Variants in ACSL1 observed in about 807,000 individuals in gnomAD.
ACSL1 encodes the protein acyl-CoA synthetase long chain family member 1, also known as long-chain-fatty-acid--CoA ligase 1.
A neutral mutation model predicts 98.4 loss-of-function variants in ACSL1; 41 were observed. That is an observed-to-expected ratio of 0.42 (90% CI 0.32 to 0.54). ACSL1 has a LOEUF of 0.54. Among genes scored for constraint, ACSL1 ranks in the 20% least tolerant of loss-of-function variants. ACSL1 has a pLI of 0.13. For missense variants in ACSL1, 734 were observed against 883.1 expected (o/e 0.83, Z 2.14); for synonymous variants, 316 against 322.7 (o/e 0.98, Z 0.22).
chr4:184,768,966 G>A (rs1764064836), intron 11 of ACSL1, among the ~76,000 whole-genome samples: 1 of 152,014 alleles, frequency 6.6e-6, no homozygotes, highest in South Asian at 2.1e-4. Context: ...CGACTCAGGA[G>A]GCTGAGGCTG....
chr4:184,770,647 G>A (rs1764361548), intron 10 of ACSL1, among the ~76,000 whole-genome samples, 171 bp from the exon 11 acceptor site: 1 of 151,728 alleles, frequency 6.6e-6, no homozygotes, highest in Non-Finnish European at 1.5e-5. Context: ...CATGGCACAT[G>A]TACACATATG....
chr4:184,820,690 C>T (rs531602556), intron 1 of ACSL1, among the ~76,000 whole-genome samples: 21 of 152,220 alleles, frequency 1.4e-4, no homozygotes, highest in African/African-American at 4.1e-4. Context: ...CTGCAGCCTC[C>T]GCCTCCTGGG....
At chr4:184,767,756 C>G (rs181272899) in intron 12 of ACSL1, among the ~76,000 whole-genome samples, 4 of 152,350 alleles carry the variant, frequency 2.6e-5, no homozygotes, top group Admixed American at 2.6e-4. Context: ...AACACTCTTT[C>G]TGGAGATTGC....
At chr4:184,811,171 T>G (rs12639729) in intron 1 of ACSL1, among the ~76,000 whole-genome samples, 2 of 151,314 alleles carry the variant, frequency 1.3e-5, no homozygotes, top group Non-Finnish European at 2.9e-5. Context: ...TGCAGTGGTG[T>G]GATCTCGGCT....
chr4:184,779,639 GA>G (rs1205864967), intron 5 of ACSL1, among the ~76,000 whole-genome samples: 1 of 151,568 alleles, frequency 6.6e-6, no homozygotes, highest in Non-Finnish European at 1.5e-5. Flanking sequence ...TTTCAGAAAG[GA>G]AAAAAAGGAA....
At chr4:184,810,248 T>C (rs1434794591) in intron 1 of ACSL1, among the ~76,000 whole-genome samples, 2 of 152,228 alleles carry the variant, frequency 1.3e-5, no homozygotes, top group African/African-American at 2.4e-5. Context: ...ATTCAGCTAG[T>C]TGACCTGTAC....
Position 184,773,739 on chromosome 4 carries a change from TG to T in ACSL1, c.790-26del. On this transcript the variant is annotated intron_variant, in intron 8 of 20. Transcript: ENST00000281455. This position sits in a 1 kb window ranked among gnomAD's most constrained non-coding sequence, Gnocchi z 4.3. ...GCTAAAGATTAAAAAAAAAAAAAGC[TG>T]GTATAAATCAGAACAGAAAAGAGAA... 1 of 1,574,754 alleles carries T rather than the reference TG, an allele frequency of 6.4e-7. No individual in the cohort carries two copies. Among genetic ancestry groups the T allele is most frequent in the Admixed American group, 1.9e-5 (1 of 52,306 alleles).
intron 2 of ACSL1, 113 bp from the exon 3 acceptor site, chr4:184,788,844 C>T (rs551779690): frequency 2.6e-6 from 2 of 766,410 alleles, no homozygotes; most frequent in South Asian, 3.3e-5. Context: ...TGTCACTTAT[C>T]TGTAGTGAGA....
intron 18 of ACSL1, among the ~76,000 whole-genome samples, chr4:184,759,508 C>G (rs1235946240): frequency 6.6e-6 from 1 of 152,110 alleles, no homozygotes; most frequent in Non-Finnish European, 1.5e-5. Context: ...ACAACCCCAT[C>G]AAAAAGTGGG....
chr4:184,757,759 C>T lies in ACSL1; in HGVS notation c.1885-53G>A. The T allele has an allele frequency of 6.2e-7, 1 of 1,608,696 alleles. No homozygotes were observed. ...TCCTCTGTTAGAGGTCCCTGAATAT[C>T]TACAGGTACATTTAATGCCAAGTTA... On this transcript the variant is annotated intron_variant, in intron 19 of 20. Transcript: ENST00000281455. The surrounding 1 kb of genome is among the most constrained non-coding windows in gnomAD (Gnocchi z 4.5).
chr4:184,810,252 C>T (rs1048006775), intron 1 of ACSL1, among the ~76,000 whole-genome samples: 3 of 152,204 alleles, frequency 2.0e-5, no homozygotes, highest in African/African-American at 7.2e-5. Context: ...AGCTAGTTGA[C>T]CTGTACAAGG....
chr4:184,788,625 T>A lies in ACSL1; in HGVS notation c.302A>T (p.Gln101Leu). 6.2e-7 allele frequency: 1 copy of A among 1,613,622 alleles called. No individual in the cohort carries two copies. The highest frequency in any genetic ancestry group is 1.7e-5 in the Admixed American group (1 of 60,030). ...TLYEGFQRGI[Q>L]VSNNGPCLGS... Reference sequence around the variant, plus strand: ...TGCAGGAAAATGCTTACTTGACACCTGTATTCCCCTCTGGAAACCTTCGTA... The same window carrying A: ...TGCAGGAAAATGCTTACTTGACACCAGTATTCCCCTCTGGAAACCTTCGTA... The change falls in exon 3 of 21, where the codon CAG becomes CTG. Residue 101 changes from glutamine (Q) to leucine (L), a missense_variant. Physicochemically the swap from Gln to Leu is moderately radical, Grantham distance 113 (BLOSUM62 -2). Coordinates refer to ENST00000281455, the MANE Select transcript of ACSL1 (RefSeq NM_001995.5).
chr4:184,801,021 TAA>T (rs966509629), intron 2 of ACSL1, among the ~76,000 whole-genome samples: 1 of 152,006 alleles, frequency 6.6e-6, no homozygotes, highest in African/African-American at 2.4e-5. Context: ...CCCAACTAAT[TAA>T]AATAAAAAAA....
intron 2 of ACSL1, among the ~76,000 whole-genome samples, chr4:184,796,978 A>T (rs745805): frequency 0.28 from 42,227 of 152,072 alleles, 7,522 homozygotes; most frequent in African/African-American, 0.51. Flanking sequence ...ACTGTGACAG[A>T]CCTTCTTCAG....
chr4:184,762,410 TAACCATTTTCCAA>T lies in ACSL1; in HGVS notation c.1622_1634del (p.Ile541AsnfsTer6). ...ACCTGAGGAGGCGGCAACTTACTGG[TAACCATTTTCCAA>T]TGTCCCCTGTGTGTAACCAGCCGTC... On this transcript the variant is annotated frameshift_variant, in exon 17 of 21. Transcript: ENST00000281455. LOFTEE classifies it high-confidence loss of function. 1 of 1,613,818 alleles carries T rather than the reference TAACCATTTTCCAA, an allele frequency of 6.2e-7. No homozygotes were observed. Among genetic ancestry groups the T allele is most frequent in the Non-Finnish European group, 8.5e-7 (1 of 1,179,672 alleles).
At chr4:184,777,165 C>T (rs1765423566) in intron 5 of ACSL1, among the ~76,000 whole-genome samples, 182 bp from the exon 6 acceptor site, 1 of 152,212 alleles carries the variant, frequency 6.6e-6, no homozygotes, top group African/African-American at 2.4e-5. Context: ...AACACATGCC[C>T]CCTTCTTAAA....
At chr4:184,786,224 G>A (rs1403012569) in intron 3 of ACSL1, among the ~76,000 whole-genome samples, 2 of 152,294 alleles carry the variant, frequency 1.3e-5, no homozygotes, top group African/African-American at 2.4e-5. Flanking sequence ...CATAAGAAGC[G>A]TGGTCTTTAT....
At position 184,766,640 on chromosome 4, in the gene ACSL1, C is replaced by G. The variant is rs559017153; in HGVS notation, c.1245G>C (p.Leu415=). The G allele has an allele frequency of 6.2e-7, 1 of 1,614,062 alleles. No homozygotes were observed. Among genetic ancestry groups the G allele is most frequent in the African/African-American group, 1.3e-5 (1 of 75,052 alleles). ...IIRNNSLWDR[L]IFHKVQSSLG... The stretch of plus-strand genomic sequence containing the variant: ...GTGTTACCTGTACTTTGTGGAAGAT[C>G]AGCCGGTCCCACAGGCTGTTGTTTC... The change falls in exon 13 of 21, where the codon CTG becomes CTC. Residue 415 remains leucine (L), a synonymous_variant. Coordinates refer to ENST00000281455, the MANE Select transcript of ACSL1 (RefSeq NM_001995.5). The surrounding 1 kb of genome is among the most constrained non-coding windows in gnomAD (Gnocchi z 4.8).
rs574871579 is a variant in ACSL1 at position 184,761,575 on chromosome 4, G to T, written c.1638+832C>A. Among the ~76,000 whole-genome samples, 36 of 152,294 alleles carry T rather than the reference G, an allele frequency of 2.4e-4. No individual in the cohort carries two copies. The South Asian group carries it at 6.8e-3, about 29-fold the overall frequency. On this transcript the variant is annotated intron_variant, in intron 17 of 20. Transcript: ENST00000281455. ...CTTCAGAATTTCTCTACAGTAAATG[G>T]TTCTGAGACTACATTCAACTAAATT...
Sources: allele counts gnomAD v4.1 joint callset (sites outside exome capture counted in the v4.1 genomes callset), GRCh38; gene constraint gnomAD v4.1.1; non-coding constraint Gnocchi (gnomAD v3.1); transcripts MANE v1.5; gene names NCBI Gene and HGNC (gene_info 2026-07-23, HGNC 2026-07-21).